Variants in CHD6 observed in about 807,000 individuals in gnomAD.
CHD6 encodes the protein ATP-dependent chromatin remodeler CHD6.
In CHD6, 50 loss-of-function variants were observed where a neutral mutation model predicts 276.9. The observed-to-expected ratio is 0.18, with a 90% CI of 0.14 to 0.23. The LOEUF is 0.23. CHD6 is among the 10% of genes least tolerant of loss of function. The pLI is 1.00. For missense variants in CHD6, 2,564 were observed against 3,365.8 expected, an observed-to-expected ratio of 0.76 and a Z score of 5.89; for synonymous variants, 1,173 against 1,229.3, an observed-to-expected ratio of 0.95 and a Z score of 0.96.
chr20:41,490,999 A>G (rs997681822), intron 11 of CHD6, among the ~76,000 whole-genome samples: 2 of 152,098 alleles, frequency 1.3e-5, no homozygotes, highest in African/African-American at 4.8e-5. Flanking sequence ...GGGACTTACC[A>G]TGAATGGAGC....
At chr20:41,545,159 C>T (rs2045016356) in intron 2 of CHD6, among the ~76,000 whole-genome samples, 1 of 152,134 alleles carries the variant, frequency 6.6e-6, no homozygotes, top group Admixed American at 6.6e-5. Flanking sequence ...TCCACAGGTC[C>T]AGCAATAGAC....
chr20:41,453,620 T>G (rs1437999290), intron 20 of CHD6, among the ~76,000 whole-genome samples: 1 of 152,144 alleles, frequency 6.6e-6, no homozygotes, highest in African/African-American at 2.4e-5. Flanking sequence ...TGTCGTGTTA[T>G]CCCTGCTCTG....
chr20:41,562,829 C>T (rs191039168), intron 1 of CHD6, among the ~76,000 whole-genome samples: 1 of 149,192 alleles, frequency 6.7e-6, no homozygotes, highest in Admixed American at 6.7e-5. Flanking sequence ...CATATATGGA[C>T]TTATCAATAG....
At position 41,403,874 on chromosome 20, in the gene CHD6, T is replaced by A; in HGVS notation, c.*719A>T. The A allele has an allele frequency of 2.8e-6, 3 of 1,057,126 alleles. No homozygotes were observed. The highest frequency in any genetic ancestry group is 3.4e-6 in the Non-Finnish European group (3 of 874,144). 65.5% of individuals were successfully genotyped at this position (1,057,126 alleles called of 1,614,324 possible). ...CAATAACTCATGGTGGGTAAAGCTT[T>A]CTCGCAGCAAGAGGAATCTTTTCAC... On this transcript the variant is annotated 3_prime_UTR_variant, in exon 37 of 37. Transcript: ENST00000373233.
chr20:41,447,310 TC>T (rs1336660195), intron 24 of CHD6, among the ~76,000 whole-genome samples: 2 of 152,332 alleles, frequency 1.3e-5, no homozygotes, highest in East Asian at 3.9e-4. Flanking sequence ...CACCTGGTGA[TC>T]CCATTTATAA....
intron 17 of CHD6, among the ~76,000 whole-genome samples, chr20:41,472,442 A>G (rs746836956): frequency 2.6e-5 from 4 of 152,114 alleles, no homozygotes; most frequent in Non-Finnish European, 5.9e-5. Flanking sequence ...ATTATGAAAA[A>G]GGTTTTGAGC....
chr20:41,516,179 T>TA (rs1414371492), intron 3 of CHD6, among the ~76,000 whole-genome samples: 1 of 152,154 alleles, frequency 6.6e-6, no homozygotes. Flanking sequence ...TTTTTTTTTT[T>TA]TTTAGACGGA....
chr20:41,545,735 C>G (rs1477325294), intron 2 of CHD6, among the ~76,000 whole-genome samples: 4 of 152,040 alleles, frequency 2.6e-5, no homozygotes, highest in African/African-American at 9.7e-5. Flanking sequence ...TGGTCACCAC[C>G]CAAAATTCAG....
chr20:41,465,246 G>A (rs1025727417), intron 17 of CHD6, among the ~76,000 whole-genome samples: 7 of 152,186 alleles, frequency 4.6e-5, no homozygotes, highest in Non-Finnish European at 4.4e-5. Flanking sequence ...TTATTTTATG[G>A]TGGAGAAACT....
intron 5 of CHD6, among the ~76,000 whole-genome samples, chr20:41,506,457 A>G (rs1288804348): frequency 6.6e-6 from 1 of 152,094 alleles, no homozygotes; most frequent in Non-Finnish European, 1.5e-5. Flanking sequence ...TCTGCCCTGC[A>G]CAACTCCCTC....
chr20:41,574,635 G>A (rs992976275), intron 1 of CHD6, among the ~76,000 whole-genome samples: 1 of 152,268 alleles, frequency 6.6e-6, no homozygotes, highest in African/African-American at 2.4e-5. Flanking sequence ...CCAGCTATCA[G>A]TGAGTCTAAA....
At chr20:41,598,447 T>A (rs1436950151) in intron 1 of CHD6, among the ~76,000 whole-genome samples, 1 of 151,314 alleles carries the variant, frequency 6.6e-6, no homozygotes, top group Non-Finnish European at 1.5e-5. Flanking sequence ...GTCCGCAAAC[T>A]AAACAAAAGC....
intron 3 of CHD6, among the ~76,000 whole-genome samples, chr20:41,520,418 C>T (rs573546855): frequency 9.2e-5 from 14 of 152,156 alleles, no homozygotes; most frequent in African/African-American, 2.7e-4. Context: ...TTGGAACCAA[C>T]CCAAATGTCC....
intron 1 of CHD6, among the ~76,000 whole-genome samples, chr20:41,565,493 T>C (rs548188267): frequency 6.6e-6 from 1 of 152,146 alleles, no homozygotes; most frequent in Non-Finnish European, 1.5e-5. Context: ...GATGGATAAG[T>C]TCTATTACAG....
rs572112529 is a variant in CHD6, at chr20:41,581,207, C to T, written c.-23-29847G>A. ...TCATAATCATCCCATGAGATAGGTA[C>T]GGTACTATTATTGTTCCCATTGTAT... On this transcript the variant is annotated intron_variant, in intron 1 of 36. Coordinates refer to ENST00000373233, the MANE Select transcript of CHD6 (RefSeq NM_032221.5). Among the ~76,000 whole-genome samples the T allele has an allele frequency of 1.4e-3, 209 of 152,236 alleles. 1 individual carries two copies. The highest frequency in any genetic ancestry group is 1.8e-3 in the Non-Finnish European group (120 of 68,024).
At chr20:41,505,272 A>G (rs991800513) in intron 5 of CHD6, among the ~76,000 whole-genome samples, 5 of 152,162 alleles carry the variant, frequency 3.3e-5, no homozygotes, top group African/African-American at 4.8e-5. Context: ...CCACGCAACT[A>G]TGAAATTTCA....
In CHD6 at chr20:41,484,510, T is replaced by A. The variant is rs1315914161; in HGVS notation, c.2099A>T (p.Glu700Val). 1 of 1,613,942 alleles carries A rather than the reference T, an allele frequency of 6.2e-7. No homozygotes were observed. Among genetic ancestry groups the A allele is most frequent in the African/African-American group, 1.3e-5 (1 of 75,024 alleles). The change falls in exon 15 of 37, where the codon GAG (glutamate) becomes GTG (valine). Residue 700 changes from glutamate to valine, a missense_variant. Physicochemically the swap from Glu to Val is moderately radical, Grantham distance 121. Coordinates refer to ENST00000373233, the MANE Select transcript of CHD6 (RefSeq NM_032221.5). ...NLAPKQETIIEVELTNIQKKY... is the reference protein window; with the variant it reads ...NLAPKQETIIVVELTNIQKKY... ...TTTCTGGATATTGGTCAGTTCCACC[T>A]CAATGATCGTCTCTTGTTTGGGAGC...
chr20:41,499,474 C>G (rs2043779034), intron 5 of CHD6, 117 bp from the exon 6 acceptor site: 3 of 757,190 alleles, frequency 4.0e-6, no homozygotes, highest in African/African-American at 1.8e-5. Context: ...CTTTGAGTAC[C>G]AAGGCCTCCC....
Position 41,440,119 on chromosome 20 carries a change from C to T in CHD6, c.3888G>A (p.Arg1296=), listed in dbSNP as rs150916140. The change falls in exon 26 of 37, where the codon AGG becomes AGA. Residue 1296 remains arginine (R), a synonymous_variant. Coordinates refer to ENST00000373233, the MANE Select transcript of CHD6 (RefSeq NM_032221.5). ...LIGVFKHGYE[R]YNAMRADPAL... is the part of the protein sequence containing the mutation. ...CTGGGTCTGCTCGCATGGCATTGTACCTTTCATAACCTGATCAAGAGTGGT... is the reference window on the plus strand; with the variant it reads ...CTGGGTCTGCTCGCATGGCATTGTATCTTTCATAACCTGATCAAGAGTGGT... The T allele has an allele frequency of 1.4e-3, 2,212 of 1,613,932 alleles. 3 individuals are homozygous for T. The highest frequency in any genetic ancestry group is 1.7e-3 in the Non-Finnish European group (1,950 of 1,179,852).
Sources: allele counts gnomAD v4.1 joint callset (sites outside exome capture counted in the v4.1 genomes callset), GRCh38; gene constraint gnomAD v4.1.1; transcripts MANE v1.5; gene names NCBI Gene and HGNC (gene_info 2026-07-23, HGNC 2026-07-21).